HEMK2: variants seen among roughly 807,000 people sequenced by gnomAD.
The protein encoded by HEMK2 is methyltransferase HEMK2.
the HEMK2 span, among the ~76,000 whole-genome samples, chr21:28,834,870 G>A: frequency 6.6e-6 from 1 of 152,024 alleles, no homozygotes; most frequent in Non-Finnish European, 1.5e-5. Context: ...GTAACTGCTG[G>A]CTTTCCCCTA....
chr21:28,828,626 T>C, the HEMK2 span, among the ~76,000 whole-genome samples: 13 of 152,286 alleles, frequency 8.5e-5, no homozygotes, highest in East Asian at 2.5e-3. Flanking sequence ...AGGTAGCCCT[T>C]CGACTGCCAA....
the HEMK2 span, among the ~76,000 whole-genome samples, chr21:28,870,190 A>C: frequency 4.0e-5 from 6 of 148,352 alleles, no homozygotes; most frequent in Non-Finnish European, 7.5e-5. Context: ...TGTTGTAGAC[A>C]CAGGTTAAAA....
chr21:28,743,002 C>T, the HEMK2 span, among the ~76,000 whole-genome samples: 5 of 152,152 alleles, frequency 3.3e-5, no homozygotes, highest in African/African-American at 2.4e-5. Context: ...TTAATGAATG[C>T]GCTGTACCTG....
At chr21:28,830,526 T>C in the HEMK2 span, among the ~76,000 whole-genome samples, 8 of 152,328 alleles carry the variant, frequency 5.3e-5, no homozygotes, top group African/African-American at 1.4e-4. Flanking sequence ...TAGTTCTTTA[T>C]AGCAGTGTGA....
At chr21:28,623,228 GA>G in the HEMK2 span, among the ~76,000 whole-genome samples, 1 of 152,118 alleles carries the variant, frequency 6.6e-6, no homozygotes, top group Admixed American at 6.5e-5. Context: ...AAAAACATAT[GA>G]AAAAAACTCA....
chr21:28,877,259 G>GGGAAGGAAGGGAGGAA, the HEMK2 span, among the ~76,000 whole-genome samples: 1 of 76,188 alleles, frequency 1.3e-5, no homozygotes, highest in Non-Finnish European at 2.7e-5. Context: ...GGGAAGAGAA[G>GGGAAGGAAGGGAGGAA]GGAAGGAAGG....
At chr21:28,848,197 T>A in the HEMK2 span, among the ~76,000 whole-genome samples, 6 of 152,364 alleles carry the variant, frequency 3.9e-5, no homozygotes, top group East Asian at 1.2e-3. Context: ...ATTCATTCTA[T>A]AAATTGCTTT....
At chr21:28,646,889 A>T in the HEMK2 span, among the ~76,000 whole-genome samples, 1 of 152,084 alleles carries the variant, frequency 6.6e-6, no homozygotes, top group African/African-American at 2.4e-5. Context: ...AAGTCCCAGA[A>T]CATCCCTTCT....
chr21:28,608,817 C>T, the HEMK2 span, among the ~76,000 whole-genome samples: 1 of 152,098 alleles, frequency 6.6e-6, no homozygotes, highest in South Asian at 2.1e-4. Flanking sequence ...ACCTGGGTGA[C>T]TCAACAGGGG....
the HEMK2 span, among the ~76,000 whole-genome samples, chr21:28,712,749 A>C: frequency 2.0e-5 from 3 of 152,238 alleles, no homozygotes; most frequent in Admixed American, 6.5e-5. Context: ...TGATCAGGGA[A>C]TTGATACATT....
chr21:28,619,882 T>G, the HEMK2 span, among the ~76,000 whole-genome samples: 194 of 152,322 alleles, frequency 1.3e-3, 1 homozygote, highest in African/African-American at 4.4e-3. Context: ...AAACACCACA[T>G]GACTTCGTAA....
the HEMK2 span, among the ~76,000 whole-genome samples, chr21:28,842,217 T>A: frequency 6.6e-6 from 1 of 152,154 alleles, no homozygotes; most frequent in Non-Finnish European, 1.5e-5. Flanking sequence ...TCCATGGGTG[T>A]TATTGGCATC....
the HEMK2 span, among the ~76,000 whole-genome samples, chr21:28,727,842 G>A: frequency 6.6e-6 from 1 of 152,278 alleles, no homozygotes; most frequent in Admixed American, 6.5e-5. Context: ...GAAATAAACT[G>A]ATAAATTCTT....
the HEMK2 span, among the ~76,000 whole-genome samples, chr21:28,629,062 T>C: frequency 6.6e-6 from 1 of 152,202 alleles, no homozygotes; most frequent in Admixed American, 6.5e-5. Context: ...ATCTACATTT[T>C]TTAAGTACAG....
chr21:28,849,329 A>G, the HEMK2 span, among the ~76,000 whole-genome samples: 1 of 152,154 alleles, frequency 6.6e-6, no homozygotes, highest in Non-Finnish European at 1.5e-5. Flanking sequence ...CAGAGCATCA[A>G]AAAAGATAAA....
the HEMK2 span, among the ~76,000 whole-genome samples, chr21:28,674,214 T>A: frequency 6.6e-6 from 1 of 152,282 alleles, no homozygotes; most frequent in African/African-American, 2.4e-5. Flanking sequence ...AGTTACCCCA[T>A]ATGGTCTAAA....
At chr21:28,800,391 G>T in the HEMK2 span, among the ~76,000 whole-genome samples, 5 of 151,958 alleles carry the variant, frequency 3.3e-5, no homozygotes, top group Admixed American at 2.6e-4. Flanking sequence ...ATTGAGGAAA[G>T]GATGTGTAAG....
the HEMK2 span, among the ~76,000 whole-genome samples, chr21:28,617,021 T>C: frequency 3.3e-5 from 5 of 152,062 alleles, no homozygotes; most frequent in Non-Finnish European, 7.4e-5. Context: ...CCACAGACAA[T>C]TAGTTGGTAA....
the HEMK2 span, among the ~76,000 whole-genome samples, chr21:28,616,421 C>T: frequency 2.0e-5 from 3 of 152,088 alleles, no homozygotes; most frequent in South Asian, 4.2e-4. Flanking sequence ...AATGTATGAG[C>T]TAAAGATAAT....
Sources: allele counts gnomAD v4.1 joint callset (sites outside exome capture counted in the v4.1 genomes callset), GRCh38; gene constraint gnomAD v4.1.1; transcripts MANE v1.5; gene names NCBI Gene and HGNC (gene_info 2026-07-23, HGNC 2026-07-21).